The following AKIRIN2 variants were observed in gnomAD, a reference collection of about 807,000 sequenced individuals.
AKIRIN2 encodes the protein akirin-2.
A neutral mutation model predicts 29.3 loss-of-function variants in AKIRIN2; 6 were observed. The observed-to-expected ratio is 0.20, with a 90% CI of 0.11 to 0.40. The LOEUF (loss-of-function observed/expected upper bound fraction) is 0.40, where lower values mean the gene tolerates loss of function less well. AKIRIN2 is among the 10% of genes least tolerant of loss of function. The pLI is 1.00. For synonymous variants in AKIRIN2, 128 were observed against 117.5 expected (o/e 1.09, Z -0.58); for missense variants, 210 against 276.1 (o/e 0.76, Z 1.70).
Position 87,675,301 on chromosome 6 carries a change from T to C in AKIRIN2, c.*296A>G, listed in dbSNP as rs2754250. 35,937 of 440,110 alleles carry C rather than the reference T, an allele frequency of 0.082. 1,577 individuals are homozygous for C. The highest frequency in any genetic ancestry group is 0.12 in the African/African-American group (6,309 of 51,322). 27.3% of individuals were successfully genotyped at this position (440,110 alleles called of 1,614,324 possible). ...TACACAACCAGTGAAGGGCATGTTC[T>C]AGAATACCAGCTTTAATCCTTTTCA... On this transcript the variant is annotated 3_prime_UTR_variant, in exon 5 of 5. Transcript: ENST00000257787.
chr6:87,680,328 T>C (rs6924028), intron 2 of AKIRIN2, among the ~76,000 whole-genome samples: 4,471 of 148,396 alleles, frequency 0.03, 239 homozygotes, highest in African/African-American at 0.11. Context: ...GTCACCCAGG[T>C]TGGAGTGCAA....
chr6:87,689,481 C>CA (rs951799863), intron 1 of AKIRIN2, among the ~76,000 whole-genome samples: 5 of 151,826 alleles, frequency 3.3e-5, no homozygotes, highest in Non-Finnish European at 7.4e-5. Flanking sequence ...CGGTCTCAAA[C>CA]AAAAAAAGCA....
In AKIRIN2 at chr6:87,693,993, G is replaced by A. The variant is rs74906121; in HGVS notation, c.235+7457C>T. ...GACAATCTCCTATCATAATTAAAAGGCACAGTTCAGGGGGACAGTAATGTT... is the reference window on the plus strand; with the variant it reads ...GACAATCTCCTATCATAATTAAAAGACACAGTTCAGGGGGACAGTAATGTT... On this transcript the variant is annotated intron_variant, in intron 1 of 4. Transcript: ENST00000257787. Among the ~76,000 whole-genome samples the A allele has an allele frequency of 9.3e-3, 1,421 of 152,186 alleles. 12 individuals carry two copies. The highest frequency in any genetic ancestry group is 0.031 in the African/African-American group (1,297 of 41,518).
intron 1 of AKIRIN2, among the ~76,000 whole-genome samples, chr6:87,684,656 C>T (rs1202403542): frequency 3.3e-5 from 5 of 151,960 alleles, no homozygotes; most frequent in Admixed American, 2.0e-4. Context: ...GTCTGAACTA[C>T]TTTCACTCAG....
chr6:87,675,891 T>G lies in AKIRIN2; in HGVS notation c.570A>C (p.Ile190=). The G allele has an allele frequency of 6.2e-7, 1 of 1,613,878 alleles. No individual in the cohort carries two copies. Among genetic ancestry groups the G allele is most frequent in the Non-Finnish European group, 8.5e-7 (1 of 1,179,940 alleles). ...DAFVKFTHDQ[I]MRRYGEQPAS... ...CAGGCTGTTCTCCATATCGTCGCAT[T>G]ATTTGATCATGCGTAAACTTCACAA... Residue 190 remains isoleucine, a synonymous_variant, in exon 4 of 5, where the codon ATA becomes ATC. Transcript: ENST00000257787.
intron 1 of AKIRIN2, among the ~76,000 whole-genome samples, chr6:87,697,680 G>A (rs115227338): frequency 6.6e-6 from 1 of 152,292 alleles, no homozygotes; most frequent in African/African-American, 2.4e-5. Flanking sequence ...TCCGTTTGCA[G>A]GCATGCATCA....
intron 1 of AKIRIN2, among the ~76,000 whole-genome samples, chr6:87,688,748 C>T (rs912523519): frequency 4.0e-5 from 6 of 151,704 alleles, no homozygotes; most frequent in East Asian, 1.9e-4. Context: ...AGTGAAACTC[C>T]GTCTCAATAA....
At chr6:87,690,986 A>G (rs1384628848) in intron 1 of AKIRIN2, among the ~76,000 whole-genome samples, 1 of 151,940 alleles carries the variant, frequency 6.6e-6, no homozygotes, top group Non-Finnish European at 1.5e-5. Flanking sequence ...CAACAACAAA[A>G]AGACCACCTC....
At position 87,676,596 on chromosome 6, in the gene AKIRIN2, AACACAC is replaced by A. The variant is rs112353955; in HGVS notation, c.530-671_530-666del. Among the ~76,000 whole-genome samples the A allele has an allele frequency of 4.0e-3, 574 of 142,048 alleles. 3 individuals carry two copies. The highest frequency in any genetic ancestry group is 6.0e-3 in the African/African-American group (223 of 37,048). The allele number at this position is 142,048 out of a possible 152,430, so 93.2% of individuals were successfully genotyped here. A position where few individuals can be genotyped will look rare whatever the true frequency, so the allele number is the denominator to read the frequency against. On this transcript the variant is annotated intron_variant, in intron 3 of 4. Coordinates refer to ENST00000257787, the MANE Select transcript of AKIRIN2 (RefSeq NM_018064.4). ...ATGGTGAAACCCCGTCTCTACTAAA[AACACAC>A]ACACACACACACACACACACACACA...
In AKIRIN2 at chr6:87,680,765, C is replaced by T. The variant is rs575153185; in HGVS notation, c.379+855G>A. Among the ~76,000 whole-genome samples, 86 of 44,556 alleles carry T rather than the reference C, an allele frequency of 1.9e-3. 1 individual carries two copies. In the East Asian group the frequency reaches 0.044, roughly 23 times the overall value. 29.2% of individuals were successfully genotyped at this position (44,556 alleles called of 152,430 possible). A position where few individuals can be genotyped will look rare whatever the true frequency, so the allele number is the denominator to read the frequency against. ...GCTTCAAGTAGCCCTTATTCCCCGC[C>T]CCCCCCCTTTTTTTTTTTTTTAAAA... is the stretch of plus-strand genomic sequence containing the variant. On this transcript the variant is annotated intron_variant, in intron 2 of 4. Coordinates refer to ENST00000257787, the MANE Select transcript of AKIRIN2 (RefSeq NM_018064.4).
rs1462117457 is a variant in AKIRIN2, at chr6:87,681,761, G to T, written c.238C>A (p.Gln80Lys). The T allele has an allele frequency of 1.3e-6, 2 of 1,567,946 alleles. No individual in the cohort carries two copies. The highest frequency in any genetic ancestry group is 2.1e-5 in the Admixed American group (1 of 47,124). The change falls in exon 2 of 5, where the codon CAA (glutamine) becomes AAA (lysine). Residue 80 changes from glutamine to lysine, a missense_variant and splice_region_variant. By Grantham distance (53) the Gln-to-Lys change is moderately conservative. Coordinates refer to ENST00000257787, the MANE Select transcript of AKIRIN2 (RefSeq NM_018064.4). ...TCTTGTTTTATGTTGTACAGAATTT[G>T]TTCTAAAATAAAAAAGTTAAAATTT... ...GDVSSRLTTEQILYNIKQEYK... is the reference protein window; with the variant it reads ...GDVSSRLTTEKILYNIKQEYK...
chr6:87,701,480 AG>A lies in AKIRIN2; in HGVS notation c.204del (p.Phe69SerfsTer17). On this transcript the variant is annotated frameshift_variant, in exon 1 of 5. Transcript: ENST00000257787. LOFTEE classifies it high-confidence loss of function. Reference protein sequence around the residue: ...PQKYLRMEPSPFGDVSSRLTT... With the variant: ...PQKYLRMEPSXFGDVSSRLTT... The stretch of plus-strand genomic sequence containing the variant: ...GTGAGGCGGGAGGAGACGTCGCCGA[AG>A]GGGGATGGCTCCATTCGGAGATACT... The A allele has an allele frequency of 6.6e-7, 1 of 1,515,466 alleles. No individual in the cohort carries two copies. Among genetic ancestry groups the A allele is most frequent in the East Asian group, 2.7e-5 (1 of 37,576 alleles). The allele number at this position is 1,515,466 out of a possible 1,614,324, so 93.9% of individuals were successfully genotyped here.
intron 1 of AKIRIN2, among the ~76,000 whole-genome samples, chr6:87,699,269 A>G (rs933530585): frequency 1.3e-5 from 2 of 152,218 alleles, no homozygotes; most frequent in South Asian, 2.1e-4. Context: ...AGCTCCCATT[A>G]TGACATTACA....
intron 1 of AKIRIN2, among the ~76,000 whole-genome samples, chr6:87,682,591 C>A (rs927921560): frequency 3.3e-5 from 5 of 152,208 alleles, no homozygotes; most frequent in African/African-American, 1.2e-4. Flanking sequence ...TTCCACTCCC[C>A]TTCCAGACTT....
At chr6:87,686,793 C>T (rs1270978442) in intron 1 of AKIRIN2, among the ~76,000 whole-genome samples, 1 of 152,066 alleles carries the variant, frequency 6.6e-6, no homozygotes, top group African/African-American at 2.4e-5. Context: ...TGCCTGTAAT[C>T]CCAGCACTTT....
intron 1 of AKIRIN2, among the ~76,000 whole-genome samples, chr6:87,698,465 T>C (rs1351767950): frequency 6.6e-6 from 1 of 152,128 alleles, no homozygotes; most frequent in East Asian, 1.9e-4. Flanking sequence ...TTCTCACGTG[T>C]CACAAAATAA....
chr6:87,689,530 G>C (rs1042149943), intron 1 of AKIRIN2, among the ~76,000 whole-genome samples: 7 of 152,092 alleles, frequency 4.6e-5, no homozygotes, highest in African/African-American at 1.7e-4. Context: ...TGACTAACAG[G>C]CCAAACTCAG....
intron 1 of AKIRIN2, among the ~76,000 whole-genome samples, chr6:87,687,057 A>AT (rs1445243147): frequency 6.6e-6 from 1 of 151,266 alleles, no homozygotes; most frequent in East Asian, 1.9e-4. Context: ...AAAAAAAAAA[A>AT]AAAAAAATCT....
At chr6:87,698,603 A>T (rs1771408673) in intron 1 of AKIRIN2, among the ~76,000 whole-genome samples, 1 of 152,174 alleles carries the variant, frequency 6.6e-6, no homozygotes, top group African/African-American at 2.4e-5. Flanking sequence ...AATTAGTAAC[A>T]CTTAGGTGTC....
Sources: gnomAD v4.1 joint callset for allele counts (sites outside exome capture counted in the v4.1 genomes callset) on GRCh38, gnomAD v4.1.1 for gene constraint, MANE v1.5 for transcripts, NCBI Gene and HGNC (gene_info 2026-07-23, HGNC 2026-07-21) for gene names.